Variants in PROX1 observed in about 807,000 individuals in gnomAD.
PROX1 encodes prospero homeobox 1.
PROX1 carries 7 observed loss-of-function variants against 58.8 expected under a neutral mutation model. The ratio of observed to expected loss-of-function variants is 0.12; its 90% CI spans 0.07 to 0.22. The LOEUF (loss-of-function observed/expected upper bound fraction) is 0.22, where lower values mean the gene tolerates loss of function less well. Among genes scored for constraint, PROX1 ranks in the 10% least tolerant of loss-of-function variants. PROX1 has a pLI of 1.00. For synonymous variants in PROX1, 350 were observed against 358.3 expected, an observed-to-expected ratio of 0.98 and a Z score of 0.26; for missense variants, 675 against 927.8, an observed-to-expected ratio of 0.73 and a Z score of 3.54.
intron 1 of PROX1, 79 bp from the exon 2 acceptor site, chr1:213,996,390 T>G: frequency 1.1e-6 from 1 of 927,242 alleles, no homozygotes; most frequent in Non-Finnish European, 1.6e-6. Flanking sequence ...GCATTTTGCA[T>G]TTGATTCAGG....
chr1:213,988,860 G>T (rs1355330949), intron 1 of PROX1: 1 of 152,068 alleles, frequency 6.6e-6, no homozygotes, highest in Non-Finnish European at 1.5e-5. Flanking sequence ...TGGGGTGTGA[G>T]GAGGCGTTTG....
Position 214,013,926 on chromosome 1 carries a change from G to C in PROX1, c.2028+2211G>C, listed in dbSNP as rs565585353. ...CCTTCAGTGAAAAGAAGGGAAGAAAGCAGGACCATGCAGTGTGTCCTGCCC... is the reference window on the plus strand; with the variant it reads ...CCTTCAGTGAAAAGAAGGGAAGAAACCAGGACCATGCAGTGTGTCCTGCCC... On this transcript the variant is annotated intron_variant, in intron 4 of 4. Coordinates refer to ENST00000366958, the MANE Select transcript of PROX1 (RefSeq NM_001270616.2). 7.2e-5 allele frequency among the ~76,000 whole-genome samples: 11 copies of C among 152,250 alleles called. No homozygotes were observed. The South Asian group carries it at 2.3e-3, about 32-fold the overall frequency.
At position 214,037,284 on chromosome 1, in the gene PROX1, A is replaced by G. The variant is rs1558191837; in HGVS notation, c.*1450A>G. 1.3e-5 allele frequency: 2 copies of G among 152,320 alleles called. No homozygotes were observed. The highest frequency in any genetic ancestry group is 4.1e-4 in the South Asian group (2 of 4,828). The allele number at this position is 152,320 out of a possible 1,614,324, so 9.4% of individuals were successfully genotyped here. ...GCAGTAAGAATTCATTGTTCATCCT[A>G]AAACTGTTTTCCAGACCCTTCCTTC... On this transcript the variant is annotated 3_prime_UTR_variant, in exon 5 of 5. Transcript: ENST00000366958.
chr1:214,001,021 TTA>T (rs1663492047), intron 2 of PROX1, among the ~76,000 whole-genome samples: 4 of 152,200 alleles, frequency 2.6e-5, no homozygotes, highest in Admixed American at 1.3e-4. Flanking sequence ...ATTGCTATTA[TTA>T]TGTTTTAATT....
intron 4 of PROX1, among the ~76,000 whole-genome samples, chr1:214,024,151 G>T (rs1664374885): frequency 6.6e-6 from 1 of 152,116 alleles, no homozygotes; most frequent in Non-Finnish European, 1.5e-5. Flanking sequence ...GAGTCTAGTG[G>T]ACTTCCAAAA....
At chr1:214,029,884 GA>G (rs1475858547) in intron 4 of PROX1, 1 of 152,536 alleles carries the variant, frequency 6.6e-6, no homozygotes, top group African/African-American at 2.4e-5. Flanking sequence ...TATTCATGCA[GA>G]ATAGTCTGAG....
Position 214,041,257 on chromosome 1 carries a change from C to T in PROX1, c.*5423C>T, listed in dbSNP as rs563653326. The T allele has an allele frequency of 2.6e-5, 4 of 152,112 alleles. No individual in the cohort carries two copies. Among genetic ancestry groups the T allele is most frequent in the South Asian group, 2.1e-4 (1 of 4,822 alleles). 9.4% of individuals were successfully genotyped at this position (152,112 alleles called of 1,614,324 possible). ...TAAAATATACATTACAAGCTCAGTGCCGTTTGATTTTCTTAAAGAAAGAGT... is the reference window on the plus strand; with the variant it reads ...TAAAATATACATTACAAGCTCAGTGTCGTTTGATTTTCTTAAAGAAAGAGT... On this transcript the variant is annotated 3_prime_UTR_variant, in exon 5 of 5. Coordinates refer to ENST00000366958, the MANE Select transcript of PROX1 (RefSeq NM_001270616.2).
chr1:213,986,846 C>T (rs1373045881), upstream of PROX1, among the ~76,000 whole-genome samples: 1 of 152,154 alleles, frequency 6.6e-6, no homozygotes, highest in Non-Finnish European at 1.5e-5. Context: ...TTGTAACTTG[C>T]AAAGCCCAAG....
chr1:214,031,330 G>A (rs1035327905), intron 4 of PROX1, among the ~76,000 whole-genome samples: 4 of 151,996 alleles, frequency 2.6e-5, no homozygotes, highest in Admixed American at 6.5e-5. Flanking sequence ...TCCTATATTG[G>A]GATGCCTTTT....
chr1:213,992,425 A>G (rs1006751162), intron 1 of PROX1, among the ~76,000 whole-genome samples: 48 of 152,152 alleles, frequency 3.2e-4, no homozygotes, highest in Admixed American at 3.0e-3. Flanking sequence ...GAATGTAGTG[A>G]AGGGGACAAT....
chr1:213,998,573 CTT>C (rs1239678527), intron 2 of PROX1, among the ~76,000 whole-genome samples: 3 of 151,740 alleles, frequency 2.0e-5, no homozygotes, highest in African/African-American at 7.3e-5. Context: ...ATCCCTATCT[CTT>C]AAAAAAAATA....
chr1:214,019,650 CCT>C (rs1378022969), intron 4 of PROX1, among the ~76,000 whole-genome samples: 2 of 152,204 alleles, frequency 1.3e-5, no homozygotes. Flanking sequence ...CCTCCCCTCC[CCT>C]GTCACCTTGT....
intron 3 of PROX1, among the ~76,000 whole-genome samples, chr1:214,007,657 T>C (rs1425687743): frequency 1.3e-5 from 2 of 152,220 alleles, no homozygotes; most frequent in African/African-American, 4.8e-5. Flanking sequence ...TGACAATGTA[T>C]ACACACACAT....
rs1432991244 is a variant in PROX1, at chr1:214,037,449, C to G, written c.*1615C>G. The G allele has an allele frequency of 6.6e-6, 1 of 152,120 alleles. No homozygotes were observed. The highest frequency in any genetic ancestry group is 2.4e-5 in the African/African-American group (1 of 41,420). The allele number at this position is 152,120 out of a possible 1,614,324, so 9.4% of individuals were successfully genotyped here. ...GACTTTGGAGAATACAGGTCTTGAC[C>G]CATGTGACTGACTAGCTGACCCGAT... On this transcript the variant is annotated 3_prime_UTR_variant, in exon 5 of 5. Transcript: ENST00000366958.
upstream of PROX1, among the ~76,000 whole-genome samples, chr1:213,983,612 G>A (rs1662752836): frequency 6.6e-6 from 1 of 152,182 alleles, no homozygotes; most frequent in African/African-American, 2.4e-5. Flanking sequence ...AAGATATGTG[G>A]ATTTGAACCA....
rs755269969 is a variant in PROX1, at chr1:213,996,904, A to G, written c.369A>G (p.Val123=). The G allele has an allele frequency of 1.2e-6, 2 of 1,614,160 alleles. No individual in the cohort carries two copies. The highest frequency in any genetic ancestry group is 3.3e-5 in the Admixed American group (2 of 60,012). ...ASGLSSTGSE[V]HQEDICSNSS... ...GTCTCTCTAGTACAGGCTCCGAAGT[A>G]CATCAGGAGGATATATGCAGCAACT... The change falls in exon 2 of 5, where the codon GTA becomes GTG. Residue 123 remains valine (V), a synonymous_variant. Transcript: ENST00000366958.
intron 4 of PROX1, among the ~76,000 whole-genome samples, chr1:214,016,095 A>AT (rs1049287140): frequency 6.6e-6 from 1 of 151,994 alleles, no homozygotes; most frequent in African/African-American, 2.4e-5. Flanking sequence ...TGGGTTTGAC[A>AT]TTTTTCTGGG....
rs775912015 is a variant in PROX1 at position 213,997,562 on chromosome 1, C to T, written c.1027C>T (p.Pro343Ser). 1 of 1,614,000 alleles carries T rather than the reference C, an allele frequency of 6.2e-7. No homozygotes were observed. Among genetic ancestry groups the T allele is most frequent in the Non-Finnish European group, 8.5e-7 (1 of 1,180,024 alleles). The part of the protein sequence containing the change: ...ERDHGPNSLQ[P>S]EGKHLAETLK... ...AGACCATGGGCCAAACTCCTTACAACCGGAAGGCAAACATTTGGCTGAGAC... is the reference window on the plus strand; with the variant it reads ...AGACCATGGGCCAAACTCCTTACAATCGGAAGGCAAACATTTGGCTGAGAC... Residue 343 changes from proline to serine, a missense_variant, in exon 2 of 5, where the codon CCG becomes TCG. By Grantham distance (74) the Pro-to-Ser change is moderately conservative. Around this residue, in one of 8 missense-constraint regions of PROX1, gnomAD observed 403 missense variants for 477.4 expected, o/e 0.84. Coordinates refer to ENST00000366958, the MANE Select transcript of PROX1 (RefSeq NM_001270616.2). This position sits in a 1 kb window ranked among gnomAD's most constrained non-coding sequence, Gnocchi z 7.1.
rs1664809641 is a variant in PROX1, at chr1:214,035,812, T to G, written c.2192T>G (p.Leu731Arg). 1 of 1,612,438 alleles carries G rather than the reference T, an allele frequency of 6.2e-7. No individual in the cohort carries two copies. Residue 731 changes from leucine to arginine, a missense_variant, in exon 5 of 5, where the codon CTA becomes CGA. Leu to Arg is a moderately radical substitution (Grantham distance 102). This residue lies in a region of PROX1 where 16 missense variants were observed against 21.0 expected (regional missense o/e 0.76). Transcript: ENST00000366958. The stretch of plus-strand genomic sequence containing the variant: ...GAGATTTTCAAATCCCCGAACTGCC[T>G]ACAAGAGCTGCTTCATGAGTAGAAA... ...VPEIFKSPNCLQELLHE is the reference protein window; with the variant it reads ...VPEIFKSPNCRQELLHE
Sources: allele counts gnomAD v4.1 joint callset (sites outside exome capture counted in the v4.1 genomes callset), GRCh38; gene constraint gnomAD v4.1.1; regional missense constraint gnomAD v4.1.1; non-coding constraint Gnocchi (gnomAD v3.1); transcripts MANE v1.5; gene names NCBI Gene and HGNC (gene_info 2026-07-23, HGNC 2026-07-21).